Variants in PCDHGB7 observed in about 807,000 individuals in gnomAD.
PCDHGB7 encodes the protein protocadherin gamma subfamily B, 7.
In PCDHGB7, 37 loss-of-function variants were observed where a neutral mutation model predicts 61.4. The observed-to-expected ratio is 0.60, with a 90% CI of 0.46 to 0.79. The LOEUF is 0.79. PCDHGB7 is among the 30% of genes least tolerant of loss of function. The probability of loss-of-function intolerance (pLI) is 0.00; values close to 1 mark genes in which losing one functional copy is unlikely to be tolerated. For synonymous variants in PCDHGB7, 464 were observed against 503.5 expected (o/e 0.92, Z 1.05); for missense variants, 1,166 against 1,202.5 (o/e 0.97, Z 0.45).
intron 1 of PCDHGB7, among the ~76,000 whole-genome samples, chr5:141,450,829 A>ATTTT (rs373424450): frequency 2.2e-4 from 30 of 135,142 alleles, no homozygotes; most frequent in African/African-American, 6.3e-4. Flanking sequence ...TATTATTATT[A>ATTTT]TTTTTTTTTT....
At chr5:141,456,949 C>A (rs1277351419) in intron 1 of PCDHGB7, among the ~76,000 whole-genome samples, 2 of 152,080 alleles carry the variant, frequency 1.3e-5, no homozygotes, top group East Asian at 3.9e-4. Flanking sequence ...GGCAACAGAG[C>A]AAAACTCCAT....
chr5:141,431,868 A>G lies in PCDHGB7; in HGVS notation c.2415+11594A>G, dbSNP rs755283039. On this transcript the variant is annotated intron_variant, in intron 1 of 3. Coordinates refer to ENST00000398594, the MANE Select transcript of PCDHGB7 (RefSeq NM_018927.4). This position sits in a 1 kb window ranked among gnomAD's most constrained non-coding sequence, Gnocchi z 4.8. ...AGAGGGACATTAATTGCCCTTTTAAATGTAAATGACCAAGATTCTGAGGAA... is the reference window on the plus strand; with the variant it reads ...AGAGGGACATTAATTGCCCTTTTAAGTGTAAATGACCAAGATTCTGAGGAA... 4.3e-6 allele frequency: 7 copies of G among 1,614,102 alleles called. No individual in the cohort carries two copies. In the South Asian group the frequency reaches 6.6e-5, roughly 15 times the overall value.
chr5:141,508,269 C>G (rs1459186158), intron 3 of PCDHGB7: 1 of 152,186 alleles, frequency 6.6e-6, no homozygotes, highest in Non-Finnish European at 1.5e-5. Flanking sequence ...GAGAAAATCC[C>G]GGTCCTTGAC....
chr5:141,451,233 T>A (rs1431967203), intron 1 of PCDHGB7, among the ~76,000 whole-genome samples: 1 of 152,216 alleles, frequency 6.6e-6, no homozygotes, highest in African/African-American at 2.4e-5. Flanking sequence ...GCATTTATTA[T>A]CTCATAAATT....
chr5:141,507,613 T>G (rs1003099044), intron 3 of PCDHGB7, among the ~76,000 whole-genome samples: 1 of 152,248 alleles, frequency 6.6e-6, no homozygotes, highest in African/African-American at 2.4e-5. Context: ...ACAGGTATAT[T>G]TAGCTGTTGT....
intron 1 of PCDHGB7, among the ~76,000 whole-genome samples, chr5:141,463,896 T>C (rs982611169): frequency 2.0e-5 from 3 of 152,192 alleles, no homozygotes; most frequent in African/African-American, 7.2e-5. Flanking sequence ...CCTTGCTTTT[T>C]GTACTAATAA....
Position 141,431,910 on chromosome 5 carries a change from G to A in PCDHGB7, c.2415+11636G>A. The A allele has an allele frequency of 6.2e-7, 1 of 1,614,096 alleles. No individual in the cohort carries two copies. Among genetic ancestry groups the A allele is most frequent in the Non-Finnish European group, 8.5e-7 (1 of 1,179,934 alleles). On this transcript the variant is annotated intron_variant, in intron 1 of 3. Transcript: ENST00000398594. This position sits in a 1 kb window ranked among gnomAD's most constrained non-coding sequence, Gnocchi z 4.8. ...TCTGAGGAAAACGGACAGGTGATCTGTTTCATCCAAGGAAATCTGCCCTTT... is the reference window on the plus strand; with the variant it reads ...TCTGAGGAAAACGGACAGGTGATCTATTTCATCCAAGGAAATCTGCCCTTT...
Position 141,430,964 on chromosome 5 carries a change from A to G in PCDHGB7, c.2415+10690A>G, listed in dbSNP as rs547574367. The G allele has an allele frequency of 7.3e-5, 117 of 1,612,860 alleles. No homozygotes were observed. The South Asian group carries it at 1.2e-3, about 17-fold the overall frequency. On this transcript the variant is annotated intron_variant, in intron 1 of 3. Coordinates refer to ENST00000398594, the MANE Select transcript of PCDHGB7 (RefSeq NM_018927.4). The stretch of plus-strand genomic sequence containing the variant: ...GGAGCGCGGAGTCCGCATCATCCCC[A>G]GAGGTAGGACGCAGCTTTTCGCCCT...
intron 1 of PCDHGB7, among the ~76,000 whole-genome samples, chr5:141,466,183 T>G (rs145148468): frequency 2.0e-5 from 3 of 152,138 alleles, no homozygotes; most frequent in Middle Eastern, 3.4e-3. Flanking sequence ...TATTTTTATT[T>G]TTTTTCAGAC....
intron 1 of PCDHGB7, among the ~76,000 whole-genome samples, chr5:141,482,530 C>CAAAAAAAAA (rs3074545): frequency 5.2e-4 from 40 of 76,506 alleles, no homozygotes; most frequent in African/African-American, 1.4e-3. Context: ...GACAGACATG[C>CAAAAAAAAA]AAAAAAAAAA....
At chr5:141,454,249 C>T (rs1215688507) in intron 1 of PCDHGB7, among the ~76,000 whole-genome samples, 3 of 152,192 alleles carry the variant, frequency 2.0e-5, no homozygotes, top group Non-Finnish European at 4.4e-5. Context: ...ATGAAGATGT[C>T]CCAGAGAAAG....
At chr5:141,494,733 C>G in intron 1 of PCDHGB7, 74 bp from the exon 2 acceptor site, 1 of 1,610,826 alleles carries the variant, frequency 6.2e-7, no homozygotes, top group South Asian at 1.1e-5. Flanking sequence ...CTCTCCCGGC[C>G]CATCCCTAGG....
chr5:141,438,579 CATACATACATACATAT>C (rs1360889040), intron 1 of PCDHGB7, among the ~76,000 whole-genome samples: 18 of 55,776 alleles, frequency 3.2e-4, no homozygotes, highest in Non-Finnish European at 5.1e-4. Context: ...GATATACATA[CATACATACATACATAT>C]ATATATATAT....
Position 141,419,737 on chromosome 5 carries a change from G to A in PCDHGB7, c.1878G>A (p.Val626=), listed in dbSNP as rs201663350. 29 of 1,613,836 alleles carry A rather than the reference G, an allele frequency of 1.8e-5. No individual in the cohort carries two copies. In the African/African-American group the frequency reaches 3.6e-4, roughly 20 times the overall value. ...GCCTGGGGCTGCGAACAGGCGAGGTGCGCATGGTGCGTGCTTTGGGTGACA... is the reference window on the plus strand; with the variant it reads ...GCCTGGGGCTGCGAACAGGCGAGGTACGCATGGTGCGTGCTTTGGGTGACA... ...LFSLGLRTGE[V]RMVRALGDKD... Residue 626 remains valine, a synonymous_variant, in exon 1 of 4, where the codon GTG becomes GTA. Transcript: ENST00000398594.
chr5:141,452,584 T>C (rs992607928), intron 1 of PCDHGB7, among the ~76,000 whole-genome samples: 1 of 152,182 alleles, frequency 6.6e-6, no homozygotes, highest in Non-Finnish European at 1.5e-5. Context: ...TTTCCATCTT[T>C]GTATTTTTAT....
intron 1 of PCDHGB7, among the ~76,000 whole-genome samples, chr5:141,483,057 C>T (rs1329609397): frequency 6.6e-6 from 1 of 152,028 alleles, no homozygotes; most frequent in African/African-American, 2.4e-5. Flanking sequence ...TGCACTCCAG[C>T]ATGGGCAACA....
At chr5:141,497,223 T>C (rs921763195) in intron 2 of PCDHGB7, among the ~76,000 whole-genome samples, 1 of 151,762 alleles carries the variant, frequency 6.6e-6, no homozygotes, top group Admixed American at 6.6e-5. Context: ...GGGGGGAAGA[T>C]CAGAGAAGGC....
At chr5:141,509,631 C>A (rs1250891268) in intron 3 of PCDHGB7, among the ~76,000 whole-genome samples, 1 of 152,200 alleles carries the variant, frequency 6.6e-6, no homozygotes, top group East Asian at 1.9e-4. Flanking sequence ...CTGGGTGATG[C>A]TGAGCCAGGG....
chr5:141,460,498 T>C (rs1028506755), intron 1 of PCDHGB7, among the ~76,000 whole-genome samples: 3 of 152,184 alleles, frequency 2.0e-5, no homozygotes, highest in African/African-American at 7.2e-5. Context: ...TGGAAAAATA[T>C]GCTGAGAAGG....
Sources: allele counts gnomAD v4.1 joint callset (sites outside exome capture counted in the v4.1 genomes callset), GRCh38; gene constraint gnomAD v4.1.1; non-coding constraint Gnocchi (gnomAD v3.1); transcripts MANE v1.5; gene names NCBI Gene and HGNC (gene_info 2026-07-23, HGNC 2026-07-21).